Variants in CTNND2 observed in about 807,000 individuals in gnomAD.
The protein encoded by CTNND2 is catenin delta-2.
CTNND2 carries 22 observed loss-of-function variants against 144.4 expected under a neutral mutation model. The ratio of observed to expected loss-of-function variants is 0.15; its 90% CI spans 0.11 to 0.22. CTNND2 has a LOEUF of 0.22. Ranked by LOEUF, CTNND2 falls within the 10% of genes least tolerant of loss-of-function variation. CTNND2 has a pLI of 1.00. For missense variants in CTNND2, 1,353 were observed against 1,618.8 expected (o/e 0.84, Z 2.82); for synonymous variants, 751 against 695.6 (o/e 1.08, Z -1.25).
chr5:11,401,766 G>T (rs1220902272), intron 5 of CTNND2, among the ~76,000 whole-genome samples: 1 of 152,138 alleles, frequency 6.6e-6, no homozygotes, highest in African/African-American at 2.4e-5. Flanking sequence ...TCGTGGGCCT[G>T]GGGTTAAACA....
At chr5:11,466,225 C>T (rs915798165) in intron 3 of CTNND2, among the ~76,000 whole-genome samples, 1 of 152,142 alleles carries the variant, frequency 6.6e-6, no homozygotes, top group Non-Finnish European at 1.5e-5. Flanking sequence ...TAGTCCTGAA[C>T]TCCTAGCCTC....
intron 2 of CTNND2, among the ~76,000 whole-genome samples, chr5:11,609,732 T>C (rs1294099603): frequency 6.6e-6 from 1 of 152,156 alleles, no homozygotes; most frequent in Non-Finnish European, 1.5e-5. Flanking sequence ...CCTGGGAGGA[T>C]GTGTCTTGGC....
intron 6 of CTNND2, among the ~76,000 whole-genome samples, chr5:11,386,464 T>C (rs535877378): frequency 1.3e-5 from 2 of 152,294 alleles, no homozygotes; most frequent in East Asian, 1.9e-4. Context: ...TCACTGCACA[T>C]ACACAGGCAT....
intron 16 of CTNND2, among the ~76,000 whole-genome samples, chr5:11,067,063 G>A (rs1269923374): frequency 6.6e-6 from 1 of 152,160 alleles, no homozygotes; most frequent in Non-Finnish European, 1.5e-5. Context: ...GACAGGGCCT[G>A]GGGAAGGGAC....
chr5:11,826,947 A>G (rs1793634572), intron 1 of CTNND2, among the ~76,000 whole-genome samples: 1 of 152,032 alleles, frequency 6.6e-6, no homozygotes, highest in Admixed American at 6.6e-5. Context: ...ACAATAAAAG[A>G]ACCCTACACA....
intron 2 of CTNND2, among the ~76,000 whole-genome samples, chr5:11,703,307 A>T (rs1785538871): frequency 6.6e-6 from 1 of 152,226 alleles, no homozygotes; most frequent in Non-Finnish European, 1.5e-5. Context: ...TGCTATCAGG[A>T]GATAGCAACC....
intron 2 of CTNND2, among the ~76,000 whole-genome samples, chr5:11,724,596 T>G (rs9312783): frequency 0.31 from 47,120 of 152,026 alleles, 10,090 homozygotes; most frequent in African/African-American, 0.61. Flanking sequence ...TGGCCAACAG[T>G]GCTACAGTGG....
At chr5:11,690,403 A>T (rs1013788144) in intron 2 of CTNND2, among the ~76,000 whole-genome samples, 5 of 152,346 alleles carry the variant, frequency 3.3e-5, no homozygotes, top group East Asian at 3.9e-4. Flanking sequence ...CAGCGAAGTG[A>T]AGCAAAATGA....
intron 12 of CTNND2, among the ~76,000 whole-genome samples, chr5:11,140,481 C>T (rs1040942500): frequency 1.3e-5 from 2 of 152,166 alleles, no homozygotes; most frequent in Non-Finnish European, 2.9e-5. Context: ...AAGTTGTTTT[C>T]AAACACTATG....
intron 1 of CTNND2, among the ~76,000 whole-genome samples, chr5:11,823,429 C>T (rs1793427301): frequency 6.6e-6 from 1 of 152,096 alleles, no homozygotes; most frequent in African/African-American, 2.4e-5. Context: ...TATTTTTTAG[C>T]TTGATTCTGA....
At chr5:11,502,395 G>A (rs942216502) in intron 3 of CTNND2, among the ~76,000 whole-genome samples, 4 of 152,130 alleles carry the variant, frequency 2.6e-5, no homozygotes, top group Non-Finnish European at 4.4e-5. Flanking sequence ...TAATCCTTAC[G>A]ATTTGTACCT....
At position 11,608,071 on chromosome 5, in the gene CTNND2, T is replaced by C. The variant is rs115131755; in HGVS notation, c.175-43015A>G. ...GCTGTGATGATTAATACTGTCAATT[T>C]TGACCCTCAAGAGAACCCTGATGAA... On this transcript the variant is annotated intron_variant, in intron 2 of 21. Coordinates refer to ENST00000304623, the MANE Select transcript of CTNND2 (RefSeq NM_001332.4). Among the ~76,000 whole-genome samples the C allele has an allele frequency of 9.5e-3, 1,448 of 152,252 alleles. 16 individuals carry two copies. The highest frequency in any genetic ancestry group is 0.03 in the African/African-American group (1,235 of 41,560).
intron 1 of CTNND2, among the ~76,000 whole-genome samples, chr5:11,776,718 G>T (rs1041115352): frequency 6.6e-6 from 1 of 151,770 alleles, no homozygotes; most frequent in Non-Finnish European, 1.5e-5. Flanking sequence ...ATGCTTTATC[G>T]CAGGTATACA....
intron 2 of CTNND2, among the ~76,000 whole-genome samples, chr5:11,579,146 C>T (rs1451842300): frequency 2.0e-5 from 3 of 147,888 alleles, no homozygotes; most frequent in Admixed American, 1.3e-4. Context: ...TAGTTCCTTT[C>T]CTTTTTTTTT....
At chr5:11,897,742 G>A (rs1277185551) in intron 1 of CTNND2, among the ~76,000 whole-genome samples, 2 of 152,174 alleles carry the variant, frequency 1.3e-5, no homozygotes, top group Admixed American at 6.5e-5. Context: ...AACTCTTGAT[G>A]TAGTGTCAAA....
intron 8 of CTNND2, among the ~76,000 whole-genome samples, chr5:11,362,905 T>G (rs573986760): frequency 6.6e-6 from 1 of 152,272 alleles, no homozygotes; most frequent in African/African-American, 2.4e-5. Flanking sequence ...CACTCCACTC[T>G]GCCCCTGCAG....
intron 1 of CTNND2, among the ~76,000 whole-genome samples, chr5:11,888,748 C>CA (rs1736744629): frequency 7.4e-6 from 1 of 134,688 alleles, no homozygotes; most frequent in African/African-American, 2.7e-5. Context: ...CAGAATGACT[C>CA]TTTTTTTTTT....
intron 3 of CTNND2, among the ~76,000 whole-genome samples, chr5:11,553,944 T>A (rs1427884833): frequency 6.6e-6 from 1 of 152,102 alleles, no homozygotes; most frequent in East Asian, 1.9e-4. Flanking sequence ...AAAATTGATA[T>A]AAAAGCATTA....
At chr5:11,423,258 T>C (rs1762512857) in intron 3 of CTNND2, among the ~76,000 whole-genome samples, 1 of 152,246 alleles carries the variant, frequency 6.6e-6, no homozygotes, top group Non-Finnish European at 1.5e-5. Flanking sequence ...GCCACAATGA[T>C]ACTTCTGTTT....
Sources: gnomAD v4.1 joint callset for allele counts (sites outside exome capture counted in the v4.1 genomes callset) on GRCh38, gnomAD v4.1.1 for gene constraint, MANE v1.5 for transcripts, NCBI Gene and HGNC (gene_info 2026-07-23, HGNC 2026-07-21) for gene names.